DLGAP2: variants seen among roughly 807,000 people sequenced by gnomAD.
DLGAP2 encodes the protein disks large-associated protein 2.
DLGAP2 carries 26 observed loss-of-function variants against 100.3 expected under a neutral mutation model. The observed-to-expected ratio is 0.26, with a 90% CI of 0.19 to 0.36. The LOEUF is 0.36. DLGAP2 is among the 10% of genes least tolerant of loss of function. The pLI, the probability that DLGAP2 is intolerant of heterozygous loss-of-function variation, is 1.00. For missense variants in DLGAP2, 1,858 were observed against 1,453.2 expected, an observed-to-expected ratio of 1.28 and a Z score of -4.53; for synonymous variants, 886 against 630.1, an observed-to-expected ratio of 1.41 and a Z score of -6.08.
intron 1 of DLGAP2, among the ~76,000 whole-genome samples, chr8:899,723 G>T (rs935409343): frequency 6.6e-6 from 1 of 152,224 alleles, no homozygotes; most frequent in African/African-American, 2.4e-5. Flanking sequence ...TTTCTTCTAG[G>T]TTGAATTAGC....
chr8:1,059,344 G>T (rs1477184139), intron 2 of DLGAP2, among the ~76,000 whole-genome samples: 1 of 149,206 alleles, frequency 6.7e-6, no homozygotes, highest in Non-Finnish European at 1.5e-5. Context: ...CCGTGGAGAA[G>T]GCATGAGGGG....
chr8:977,121 T>C (rs1800185168), intron 2 of DLGAP2, among the ~76,000 whole-genome samples: 1 of 152,220 alleles, frequency 6.6e-6, no homozygotes, highest in Non-Finnish European at 1.5e-5. Flanking sequence ...AGAGGTCAGC[T>C]TCTTGCATTT....
chr8:1,254,357 A>G (rs947894324), intron 2 of DLGAP2, among the ~76,000 whole-genome samples: 1 of 151,818 alleles, frequency 6.6e-6, no homozygotes. Flanking sequence ...GCCAGAGTGG[A>G]TCCCACAGTT....
chr8:1,538,166 C>A (rs1387398821), intron 4 of DLGAP2, among the ~76,000 whole-genome samples: 2 of 152,172 alleles, frequency 1.3e-5, no homozygotes, highest in African/African-American at 4.8e-5. Flanking sequence ...CATTCCCTGC[C>A]TTTTCTTCCT....
At chr8:1,256,457 G>A (rs1022824648) in intron 2 of DLGAP2, among the ~76,000 whole-genome samples, 2 of 128,504 alleles carry the variant, frequency 1.6e-5, no homozygotes, top group Non-Finnish European at 3.1e-5. Flanking sequence ...CCCAGGTGCT[G>A]TGCGTGTCCT....
At chr8:1,407,784 C>T (rs1202681723) in intron 3 of DLGAP2, among the ~76,000 whole-genome samples, 1 of 150,620 alleles carries the variant, frequency 6.6e-6, no homozygotes, top group South Asian at 2.2e-4. Flanking sequence ...TGAGCGCCAC[C>T]TCCTCATCCT....
chr8:1,286,653 T>C (rs1799927992), intron 3 of DLGAP2, among the ~76,000 whole-genome samples: 1 of 152,228 alleles, frequency 6.6e-6, no homozygotes, highest in Admixed American at 6.5e-5. Context: ...TGCTGGGCTG[T>C]ACAGCATCTC....
At chr8:1,054,705 C>T (rs1212699842) in intron 2 of DLGAP2, among the ~76,000 whole-genome samples, 1 of 152,098 alleles carries the variant, frequency 6.6e-6, no homozygotes, top group African/African-American at 2.4e-5. Context: ...CAGGAATTAA[C>T]ATTATTTGGA....
chr8:1,180,758 G>A (rs942461499), intron 2 of DLGAP2, among the ~76,000 whole-genome samples: 2 of 151,422 alleles, frequency 1.3e-5, no homozygotes, highest in Non-Finnish European at 2.9e-5. Context: ...GGTGTGCCAG[G>A]GCAGTACAGT....
chr8:1,074,250 G>T (rs1486353947), intron 2 of DLGAP2, among the ~76,000 whole-genome samples: 3 of 150,726 alleles, frequency 2.0e-5, no homozygotes, highest in Non-Finnish European at 1.5e-5. Flanking sequence ...TGTAACAGAA[G>T]GGTTTGCAGC....
intron 3 of DLGAP2, among the ~76,000 whole-genome samples, chr8:1,286,551 G>A (rs765779554): frequency 6.6e-6 from 1 of 152,270 alleles, no homozygotes; most frequent in South Asian, 2.1e-4. Flanking sequence ...TCTGGGATGC[G>A]GAGGTGCTTG....
intron 3 of DLGAP2, chr8:1,299,887 G>C (rs1016955822): frequency 1.3e-5 from 2 of 152,138 alleles, no homozygotes; most frequent in Non-Finnish European, 2.9e-5. Context: ...AAACACCATA[G>C]ACTAAGCGGC....
In DLGAP2 at chr8:1,682,713, A is replaced by G. The variant is rs572334849; in HGVS notation, c.2704+4084A>G. ...AATCGTGAACTCCTGGCCTCAAGTGATCTGCCCCCCTTGCCCTTGCAAAGT... is the reference window on the plus strand; with the variant it reads ...AATCGTGAACTCCTGGCCTCAAGTGGTCTGCCCCCCTTGCCCTTGCAAAGT... On this transcript the variant is annotated intron_variant, in intron 12 of 14. Coordinates refer to ENST00000637795, the MANE Select transcript of DLGAP2 (RefSeq NM_001346810.2). Among the ~76,000 whole-genome samples, 65 of 151,610 alleles carry G rather than the reference A, an allele frequency of 4.3e-4. 2 individuals are homozygous for G. The highest frequency in any genetic ancestry group is 8.6e-4 in the Non-Finnish European group (58 of 67,698).
chr8:874,700 G>C (rs1258887619), intron 1 of DLGAP2, among the ~76,000 whole-genome samples: 2 of 152,174 alleles, frequency 1.3e-5, no homozygotes, highest in Non-Finnish European at 2.9e-5. Context: ...TTGTTGGATG[G>C]AATGTTGTAT....
chr8:1,096,902 A>C lies in DLGAP2; in HGVS notation c.74-161949A>C, dbSNP rs566728742. On this transcript the variant is annotated intron_variant, in intron 2 of 14. Coordinates refer to ENST00000637795, the MANE Select transcript of DLGAP2 (RefSeq NM_001346810.2). ...AGAGGTCTCCTCCAGCGTGAGACCCACCTCCCTGCGCTCAGTACAGTGGAG... is the reference window on the plus strand; with the variant it reads ...AGAGGTCTCCTCCAGCGTGAGACCCCCCTCCCTGCGCTCAGTACAGTGGAG... Among the ~76,000 whole-genome samples the C allele has an allele frequency of 4.4e-5, 6 of 135,674 alleles. No individual in the cohort carries two copies. In the East Asian group the frequency reaches 1.4e-3, roughly 31 times the overall value. 89.0% of individuals were successfully genotyped at this position (135,674 alleles called of 152,430 possible).
intron 2 of DLGAP2, among the ~76,000 whole-genome samples, chr8:997,534 A>G (rs1010791664): frequency 6.6e-6 from 1 of 152,220 alleles, no homozygotes; most frequent in African/African-American, 2.4e-5. Context: ...ATGTAGAAGC[A>G]CTTCATTAAA....
At chr8:809,618 A>G (rs78393016) in intron 1 of DLGAP2, among the ~76,000 whole-genome samples, 1 of 152,120 alleles carries the variant, frequency 6.6e-6, no homozygotes, top group Admixed American at 6.5e-5. Flanking sequence ...CTTTTTGCAC[A>G]ATTAGAATCT....
intron 3 of DLGAP2, among the ~76,000 whole-genome samples, chr8:1,267,617 A>ATAAC: frequency 8.4e-6 from 1 of 119,184 alleles, no homozygotes; most frequent in Non-Finnish European, 1.6e-5. Context: ...ATAAGATAAG[A>ATAAC]TAAGATAAAT....
chr8:933,599 A>G (rs1584901874), intron 2 of DLGAP2, among the ~76,000 whole-genome samples: 1 of 68,666 alleles, frequency 1.5e-5, no homozygotes, highest in Non-Finnish European at 2.7e-5. Context: ...GCACGAGGGG[A>G]GGGTGAGGGC....
Sources: gnomAD v4.1 joint callset for allele counts (sites outside exome capture counted in the v4.1 genomes callset) on GRCh38, gnomAD v4.1.1 for gene constraint, MANE v1.5 for transcripts, NCBI Gene and HGNC (gene_info 2026-07-23, HGNC 2026-07-21) for gene names.